The following S100Z variants were observed in gnomAD, a reference collection of about 807,000 sequenced individuals.
S100Z encodes the protein S100 calcium binding protein Z.
A neutral mutation model predicts 8.5 loss-of-function variants in S100Z; 11 were observed. The observed-to-expected ratio is 1.30, with a 90% CI of 0.82 to 2.15. S100Z has a LOEUF of 2.15. S100Z is among the 30% of genes most tolerant of loss of function. The pLI, the probability that S100Z is intolerant of heterozygous loss-of-function variation, is 0.00. For missense variants in S100Z, 126 were observed against 117.9 expected, an observed-to-expected ratio of 1.07 and a Z score of -0.32; for synonymous variants, 34 against 43.8, an observed-to-expected ratio of 0.78 and a Z score of 0.89.
chr5:76,941,426 C>T, the S100Z span, among the ~76,000 whole-genome samples: 1 of 152,132 alleles, frequency 6.6e-6, no homozygotes, highest in Non-Finnish European at 1.5e-5. Context: ...GGTGGTTCCC[C>T]TACACACGCT....
the S100Z span, among the ~76,000 whole-genome samples, chr5:76,945,955 T>G: frequency 1.3e-5 from 2 of 152,070 alleles, no homozygotes; most frequent in African/African-American, 4.8e-5. Context: ...CCTTCAGGAA[T>G]TGAGGTACTC....
chr5:76,936,482 T>A, the S100Z span, among the ~76,000 whole-genome samples: 2 of 152,098 alleles, frequency 1.3e-5, no homozygotes, highest in Non-Finnish European at 2.9e-5. Context: ...TTTAAACAAT[T>A]TTTTAAAACC....
chr5:76,940,073 C>T, the S100Z span, among the ~76,000 whole-genome samples: 2 of 149,194 alleles, frequency 1.3e-5, no homozygotes, highest in South Asian at 4.2e-4. Context: ...AGGAGAATCA[C>T]TTGAGCCCAG....
At chr5:76,859,768 C>CAAAAAAA (rs70982653) in intron 1 of S100Z, among the ~76,000 whole-genome samples, 2,550 of 97,300 alleles carry the variant, frequency 0.026, 111 homozygotes, top group African/African-American at 0.057. Context: ...GCAACAGAGC[C>CAAAAAAA]AAAAAAAAAA....
the S100Z span, among the ~76,000 whole-genome samples, chr5:76,928,049 C>T: frequency 6.6e-6 from 1 of 152,182 alleles, no homozygotes; most frequent in Non-Finnish European, 1.5e-5. Context: ...TTGAAAGACA[C>T]ATGGGCAAGA....
the S100Z span, among the ~76,000 whole-genome samples, chr5:76,938,059 A>G: frequency 6.6e-6 from 1 of 152,094 alleles, no homozygotes; most frequent in Non-Finnish European, 1.5e-5. Flanking sequence ...GCGCCACTGC[A>G]CTCCAACCTG....
downstream of S100Z, among the ~76,000 whole-genome samples, chr5:76,922,269 A>AG (rs1745061620): frequency 1.3e-5 from 2 of 152,146 alleles, no homozygotes; most frequent in Non-Finnish European, 2.9e-5. Flanking sequence ...TCCCCTCCCT[A>AG]GGGGGTCTCA....
Position 76,877,817 on chromosome 5 carries a change from GAAGA to G in S100Z, c.289_292del (p.Lys97GlufsTer7). On this transcript the variant is annotated frameshift_variant, in exon 4 of 5. Coordinates refer to ENST00000317593, the MANE Select transcript of S100Z (RefSeq NM_130772.4). LOFTEE classifies it high-confidence loss of function. Reference sequence around the variant, plus strand: ...ATGATTACTTTGTAGAACAATTGAAGAAGAAAGGAAAATAAAGGTAAGTAATAAG... The same window carrying G: ...ATGATTACTTTGTAGAACAATTGAAGAAGGAAAATAAAGGTAAGTAATAAG... 1 of 1,612,412 alleles carries G rather than the reference GAAGA, an allele frequency of 6.2e-7. No homozygotes were observed. The highest frequency in any genetic ancestry group is 1.1e-5 in the South Asian group (1 of 90,988).
At chr5:76,948,796 G>A in the S100Z span, 1 of 152,198 alleles carries the variant, frequency 6.6e-6, no homozygotes, top group African/African-American at 2.4e-5. Context: ...GAGGAGTATT[G>A]TATGAAAGGA....
intron 1 of S100Z, among the ~76,000 whole-genome samples, chr5:76,861,149 G>A (rs370366851): frequency 6.6e-6 from 1 of 152,198 alleles, no homozygotes; most frequent in Non-Finnish European, 1.5e-5. Flanking sequence ...GTCAGCTGAA[G>A]GCTTGACCCT....
intron 4 of S100Z, among the ~76,000 whole-genome samples, chr5:76,883,648 T>C (rs1220779121): frequency 6.6e-6 from 1 of 152,186 alleles, no homozygotes; most frequent in Non-Finnish European, 1.5e-5. Flanking sequence ...CGTCAGTCTT[T>C]AGCCACTAAG....
At chr5:76,909,366 G>C (rs1744570591) in intron 4 of S100Z, among the ~76,000 whole-genome samples, 1 of 152,092 alleles carries the variant, frequency 6.6e-6, no homozygotes, top group African/African-American at 2.4e-5. Flanking sequence ...TTCTCTCTCT[G>C]ATGGGGAAAA....
chr5:76,919,803 C>G (rs546570017), intron 4 of S100Z, among the ~76,000 whole-genome samples: 20 of 151,962 alleles, frequency 1.3e-4, no homozygotes, highest in South Asian at 8.3e-4. Context: ...GAGATCTCAT[C>G]ATCCTTCCCA....
chr5:76,943,302 T>C, the S100Z span, among the ~76,000 whole-genome samples: 1 of 152,206 alleles, frequency 6.6e-6, no homozygotes, highest in Non-Finnish European at 1.5e-5. Context: ...TCCTGGTAGC[T>C]GGACTTCTTT....
chr5:76,880,362 TAAAAC>T (rs1445394348), intron 4 of S100Z, among the ~76,000 whole-genome samples: 1 of 152,110 alleles, frequency 6.6e-6, no homozygotes, highest in East Asian at 1.9e-4. Context: ...ATAAGAAAAA[TAAAAC>T]AAAATAGTGG....
chr5:76,945,571 A>T, the S100Z span, among the ~76,000 whole-genome samples: 31 of 152,202 alleles, frequency 2.0e-4, no homozygotes, highest in South Asian at 8.3e-4. Flanking sequence ...GCTGCTCTGC[A>T]ACTCTTTACT....
At chr5:76,936,986 C>T in the S100Z span, among the ~76,000 whole-genome samples, 14 of 152,062 alleles carry the variant, frequency 9.2e-5, no homozygotes, top group African/African-American at 3.4e-4. Flanking sequence ...GTATTATGGA[C>T]ACTAGACACA....
At chr5:76,945,798 T>G in the S100Z span, among the ~76,000 whole-genome samples, 2 of 152,206 alleles carry the variant, frequency 1.3e-5, no homozygotes, top group Non-Finnish European at 2.9e-5. Context: ...CAGAGACCGG[T>G]GCCGGTGCTG....
At chr5:76,850,830 T>C (rs1750707909) in intron 1 of S100Z, among the ~76,000 whole-genome samples, 1 of 152,040 alleles carries the variant, frequency 6.6e-6, no homozygotes, top group African/African-American at 2.4e-5. Flanking sequence ...GTTTTTTGTT[T>C]TTTTCTGAGA....
Sources: gnomAD v4.1 joint callset for allele counts (sites outside exome capture counted in the v4.1 genomes callset) on GRCh38, gnomAD v4.1.1 for gene constraint, MANE v1.5 for transcripts, NCBI Gene and HGNC (gene_info 2026-07-23, HGNC 2026-07-21) for gene names.